PLCE1: variants seen among roughly 807,000 people sequenced by gnomAD.
PLCE1 encodes the protein 1-phosphatidylinositol 4,5-bisphosphate phosphodiesterase epsilon-1.
A neutral mutation model predicts 242.8 loss-of-function variants in PLCE1; 119 were observed. The ratio of observed to expected loss-of-function variants is 0.49; its 90% CI spans 0.42 to 0.57. The LOEUF (loss-of-function observed/expected upper bound fraction) is 0.57. Ranked by LOEUF, PLCE1 falls within the 20% of genes least tolerant of loss-of-function variation. The pLI is 0.00. For synonymous variants in PLCE1, 945 were observed against 1,017.4 expected (o/e 0.93, Z 1.35); for missense variants, 2,441 against 2,788.8 (o/e 0.88, Z 2.81).
In PLCE1 at chr10:94,270,029, T is replaced by C. The variant is rs117455469; in HGVS notation, c.4390-457T>C. On this transcript the variant is annotated intron_variant, in intron 17 of 32. Transcript: ENST00000371380. ...CTATTTAGCATTCCTAAAACTCCTG[T>C]ATGCTATATTGGCATGGGCATGAGT... Among the ~76,000 whole-genome samples the C allele has an allele frequency of 5.3e-5, 8 of 152,378 alleles. No individual in the cohort carries two copies. In the East Asian group the frequency reaches 1.5e-3, roughly 29 times the overall value.
intron 2 of PLCE1, among the ~76,000 whole-genome samples, chr10:94,056,636 CAG>C (rs1439387062): frequency 6.6e-6 from 1 of 152,050 alleles, no homozygotes; most frequent in African/African-American, 2.4e-5. Context: ...AAAATAATGA[CAG>C]TGAGATAACT....
intron 2 of PLCE1, among the ~76,000 whole-genome samples, chr10:94,060,810 C>T (rs2044034031): frequency 1.3e-5 from 2 of 151,700 alleles, no homozygotes; most frequent in Non-Finnish European, 2.9e-5. Context: ...AGTCCTCCTA[C>T]CTCATCTTCC....
chr10:94,290,470 A>G (rs1430477756), intron 22 of PLCE1, among the ~76,000 whole-genome samples: 2 of 149,746 alleles, frequency 1.3e-5, no homozygotes, highest in Non-Finnish European at 3.0e-5. Context: ...TTTTTATTAA[A>G]AACAGATACA....
intron 2 of PLCE1, among the ~76,000 whole-genome samples, chr10:94,071,494 C>CATTTTTTTTTT (rs2044351149): frequency 1.4e-5 from 1 of 69,212 alleles, no homozygotes; most frequent in African/African-American, 1.1e-4. Context: ...GTTTGGTTTT[C>CATTTTTTTTTT]GTTTTTTTTT....
intron 9 of PLCE1, among the ~76,000 whole-genome samples, chr10:94,252,722 G>A (rs2050923610): frequency 6.6e-6 from 1 of 152,170 alleles, no homozygotes; most frequent in African/African-American, 2.4e-5. Context: ...AACAAACACA[G>A]TGCGAGCTAA....
intron 2 of PLCE1, among the ~76,000 whole-genome samples, chr10:94,048,520 T>C (rs1391774455): frequency 6.6e-6 from 1 of 151,912 alleles, no homozygotes; most frequent in African/African-American, 2.4e-5. Flanking sequence ...TTTTGCATTT[T>C]CCTGATCACT....
At chr10:94,111,785 A>C (rs948440291) in intron 2 of PLCE1, among the ~76,000 whole-genome samples, 30 of 152,240 alleles carry the variant, frequency 2.0e-4, no homozygotes, top group Admixed American at 2.0e-3. Context: ...AAATGCCAGT[A>C]TAATGATCAA....
At chr10:94,269,322 A>T (rs2051637186) in intron 17 of PLCE1, among the ~76,000 whole-genome samples, 1 of 151,810 alleles carries the variant, frequency 6.6e-6, no homozygotes, top group African/African-American at 2.4e-5. Context: ...GGCTGGTCTC[A>T]AACTCCTGAC....
rs557265582 is a variant in PLCE1, at chr10:94,235,811, G to A, written c.2215-104G>A. 1.4e-5 allele frequency: 20 copies of A among 1,438,982 alleles called. No individual in the cohort carries two copies. The African/African-American group carries it at 2.4e-4, about 17-fold the overall frequency. The allele number at this position is 1,438,982 out of a possible 1,614,324, so 89.1% of individuals were successfully genotyped here. On this transcript the variant is annotated intron_variant, in intron 6 of 32. Transcript: ENST00000371380. ...TCTTGTTTTCTTTCCCATAAAATAG[G>A]CACAAATGCCATTATTTATTACTTT...
chr10:94,240,523 G>T (rs534154715), intron 7 of PLCE1, among the ~76,000 whole-genome samples: 9 of 152,250 alleles, frequency 5.9e-5, no homozygotes, highest in African/African-American at 2.2e-4. Flanking sequence ...GAGAACAGCT[G>T]TGGCAAGTCC....
At chr10:94,252,274 C>T in intron 8 of PLCE1, 42 bp from the exon 9 acceptor site, 15 of 1,579,988 alleles carry the variant, frequency 9.5e-6, no homozygotes, top group Non-Finnish European at 1.3e-5. Context: ...TTCCCCATTG[C>T]TTGATGCTTC....
intron 4 of PLCE1, among the ~76,000 whole-genome samples, chr10:94,177,359 G>C (rs1223975165): frequency 6.6e-6 from 1 of 152,104 alleles, no homozygotes; most frequent in African/African-American, 2.4e-5. Flanking sequence ...GCACACACTA[G>C]AGAAACTTCT....
intron 27 of PLCE1, among the ~76,000 whole-genome samples, chr10:94,309,168 G>T (rs944791359): frequency 7.9e-5 from 12 of 152,234 alleles, no homozygotes; most frequent in Non-Finnish European, 1.5e-4. Context: ...CAGTCCAGGG[G>T]CAAATGTCAC....
At chr10:94,232,228 TG>T (rs755813539) in intron 5 of PLCE1, among the ~76,000 whole-genome samples, 1 of 152,184 alleles carries the variant, frequency 6.6e-6, no homozygotes, top group Non-Finnish European at 1.5e-5. Flanking sequence ...TTTGTCATGT[TG>T]TACTTCTTTA....
At chr10:94,137,228 C>G (rs556047275) in intron 3 of PLCE1, among the ~76,000 whole-genome samples, 1 of 152,262 alleles carries the variant, frequency 6.6e-6, no homozygotes, top group African/African-American at 2.4e-5. Context: ...GTCCCTGTGC[C>G]CTTTTCCCTC....
At position 94,022,066 on chromosome 10, in the gene PLCE1, A is replaced by G. The variant is rs557637318; in HGVS notation, c.-364-8617A>G. On this transcript the variant is annotated intron_variant, in intron 1 of 32. Transcript: ENST00000371380. The stretch of plus-strand genomic sequence containing the variant: ...CTAGCCACTAGAGTAAGGCAAGAAA[A>G]ATAAATAAAAGATTTACCTTTGGAA... Among the ~76,000 whole-genome samples, 17 of 152,156 alleles carry G rather than the reference A, an allele frequency of 1.1e-4. No individual in the cohort carries two copies. In the South Asian group the frequency reaches 1.7e-3, roughly 15 times the overall value.
At chr10:94,136,669 G>A (rs2046784106) in intron 3 of PLCE1, among the ~76,000 whole-genome samples, 1 of 152,176 alleles carries the variant, frequency 6.6e-6, no homozygotes, top group Non-Finnish European at 1.5e-5. Flanking sequence ...TTTATGGATT[G>A]ATACAGAAGG....
chr10:94,254,769 T>C (rs1368857566), intron 10 of PLCE1, 124 bp from the exon 11 acceptor site: 1 of 1,045,312 alleles, frequency 9.6e-7, no homozygotes, highest in African/African-American at 1.6e-5. Context: ...TGGTGCTGCT[T>C]GTATAGAAAC....
At chr10:94,138,013 A>G (rs1404468086) in intron 3 of PLCE1, 2 of 378,902 alleles carry the variant, frequency 5.3e-6, no homozygotes, top group Non-Finnish European at 1.0e-5. Flanking sequence ...AGGCACAGAG[A>G]TTCAACATTG....
Sources: allele counts gnomAD v4.1 joint callset (sites outside exome capture counted in the v4.1 genomes callset), GRCh38; gene constraint gnomAD v4.1.1; transcripts MANE v1.5; gene names NCBI Gene and HGNC (gene_info 2026-07-23, HGNC 2026-07-21).